KLK15: variants seen among roughly 807,000 people sequenced by gnomAD.
The protein encoded by KLK15 is kallikrein related peptidase 15.
A neutral mutation model predicts 21.1 loss-of-function variants in KLK15; 19 were observed. That is an observed-to-expected ratio of 0.90 (90% CI 0.63 to 1.32). KLK15 has a LOEUF of 1.32. KLK15 is among the 40% of genes most tolerant of loss of function. KLK15 has a pLI of 0.00. For synonymous variants in KLK15, 141 were observed against 141.5 expected (o/e 1.00, Z 0.03); for missense variants, 345 against 348.6 (o/e 0.99, Z 0.08).
At position 50,829,238 on chromosome 19, in the gene KLK15, A is replaced by G. The variant is rs186872857; in HGVS notation, c.44-1423T>C. Among the ~76,000 whole-genome samples the G allele has an allele frequency of 2.6e-5, 4 of 151,716 alleles. No homozygotes were observed. The East Asian group carries it at 7.7e-4, about 29-fold the overall frequency. The stretch of plus-strand genomic sequence containing the variant: ...CTAGCTGTGAAACTTTGAGTAAGTT[A>G]TTCGACCTGTCTGTGCCTCTGTTTC... On this transcript the variant is annotated intron_variant, in intron 1 of 4. Coordinates refer to ENST00000598239, the Ensembl canonical transcript of KLK15.
chr19:50,832,322 C>CTTTTTTTTTTTT (rs773163899), upstream of KLK15, among the ~76,000 whole-genome samples: 20 of 109,436 alleles, frequency 1.8e-4, no homozygotes, highest in African/African-American at 6.1e-4. Context: ...CTTTTTTTTT[C>CTTTTTTTTTTTT]TTTTTTTTTT....
exon 2 of KLK15, chr19:50,827,785 C>T: frequency 6.2e-7 from 1 of 1,611,410 alleles, no homozygotes; most frequent in Non-Finnish European, 8.5e-7. Flanking sequence ...ACACTCGTCA[C>T]CTTCCAGCAA....
chr19:50,826,946 C>T (rs752563426), exon 3 of KLK15: 3 of 1,601,178 alleles, frequency 1.9e-6, no homozygotes, highest in Non-Finnish European at 2.6e-6. Flanking sequence ...AGACACCACA[C>T]AGGCCTCCCC....
intron 2 of KLK15, 126 bp downstream of exon 3, chr19:50,827,536 T>G: frequency 1.0e-6 from 1 of 976,442 alleles, no homozygotes; most frequent in Non-Finnish European, 1.5e-6. Context: ...CCCAGGGGCT[T>G]GACATCCGGC....
chr19:50,829,237 T>C (rs1173722251), intron 1 of KLK15, among the ~76,000 whole-genome samples: 1 of 151,610 alleles, frequency 6.6e-6, no homozygotes, highest in East Asian at 1.9e-4. Context: ...TTGAGTAAGT[T>C]ATTCGACCTG....
intron 1 of KLK15, among the ~76,000 whole-genome samples, chr19:50,830,948 C>T (rs931458810): frequency 2.6e-5 from 4 of 152,186 alleles, no homozygotes; most frequent in African/African-American, 9.7e-5. Flanking sequence ...CACATTTAAT[C>T]CCCTCAAAGA....
At chr19:50,825,858 C>A in exon 5 of KLK15, 1 of 1,614,048 alleles carries the variant, frequency 6.2e-7, no homozygotes, top group Non-Finnish European at 8.5e-7. Context: ...GTATAGACAC[C>A]AGGCTTGGTG....
chr19:50,829,356 C>G (rs893892896), intron 1 of KLK15, among the ~76,000 whole-genome samples: 1 of 151,578 alleles, frequency 6.6e-6, no homozygotes, highest in African/African-American at 2.4e-5. Context: ...GATACCTAGC[C>G]CTGGTAGCTA....
At chr19:50,826,325 T>C (rs760671643) in intron 4 of KLK15, 10 of 455,024 alleles carry the variant, frequency 2.2e-5, no homozygotes, top group Non-Finnish European at 2.3e-5. Flanking sequence ...ATCTACCTCA[T>C]CCCAATTCAA....
At chr19:50,827,251 C>CGTTAATG in intron 2 of KLK15, 90 bp from the exon 4 acceptor site, 1 of 1,216,592 alleles carries the variant, frequency 8.2e-7, no homozygotes, top group Non-Finnish European at 1.1e-6. Flanking sequence ...GTGGGCAACC[C>CGTTAATG]GAGGTCTCCC....
At chr19:50,832,053 C>T (rs1252111416), upstream of KLK15, among the ~76,000 whole-genome samples, 3 of 151,964 alleles carry the variant, frequency 2.0e-5, no homozygotes, top group Non-Finnish European at 4.4e-5. Context: ...AATCTCTTGA[C>T]TTCATGATCC....
At chr19:50,827,641 C>A (rs762661618) in intron 2 of KLK15, 21 bp downstream of exon 3, 4 of 1,608,154 alleles carry the variant, frequency 2.5e-6, no homozygotes, top group Non-Finnish European at 3.4e-6. Flanking sequence ...CCCTCAGGAC[C>A]CTGAGCCCCT....
rs1041479108 is a variant in KLK15 at position 50,828,094 on chromosome 19, C to T, written c.44-279G>A. On this transcript the variant is annotated intron_variant, in intron 1 of 4. Transcript: ENST00000598239. ...CAGCCTCCCGAGTAGCTGAGGTGCC[C>T]GCCACCACACCTGGCTAATTTTTGT... Among the ~76,000 whole-genome samples, 3 of 151,258 alleles carry T rather than the reference C, an allele frequency of 2.0e-5. No homozygotes were observed. The Admixed American group carries it at 2.0e-4, about 10-fold the overall frequency.
rs370252083 is a variant in KLK15 at position 50,825,858 on chromosome 19, C to T, written c.709G>A (p.Gly237Ser). 7 of 1,614,046 alleles carry T rather than the reference C, an allele frequency of 4.3e-6. No individual in the cohort carries two copies. The African/African-American group carries it at 9.3e-5, about 22-fold the overall frequency. ...TAGTGGCAGACTTTGGTATAGACAC[C>T]AGGCTTGGTGGTGTTGTCACAAGGG... Residue 237 changes from glycine to serine, a missense_variant, in exon 5 of 5, where the codon GGT becomes AGT. Gly to Ser is a moderately conservative substitution (Grantham distance 56). Transcript: ENST00000598239.
chr19:50,831,790 T>G (rs545326027), upstream of KLK15, among the ~76,000 whole-genome samples: 1 of 149,344 alleles, frequency 6.7e-6, no homozygotes, highest in Non-Finnish European at 1.5e-5. Flanking sequence ...TCTCTCTCCA[T>G]CATCACCAAG....
At chr19:50,825,614 G>T, downstream of KLK15, 1 of 524,478 alleles carries the variant, frequency 1.9e-6, no homozygotes, top group Non-Finnish European at 3.3e-6. Context: ...TTGTTATCTT[G>T]GCATTAAACA....
chr19:50,831,387 A>G (rs2089982550), intron 1 of KLK15, 63 bp downstream of exon 2: 10 of 1,244,648 alleles, frequency 8.0e-6, no homozygotes, highest in Non-Finnish European at 9.5e-6. Context: ...CACTGGGCCC[A>G]GACATGCTTG....
intron 2 of KLK15, 150 bp from the exon 4 acceptor site, chr19:50,827,311 G>T: frequency 1.3e-6 from 1 of 780,210 alleles, no homozygotes; most frequent in Non-Finnish European, 2.0e-6. Context: ...AGACCCTGAA[G>T]CCAATGGTTC....
intron 1 of KLK15, 92 bp from the exon 3 acceptor site, chr19:50,827,907 A>G (rs2089912800): frequency 8.1e-6 from 10 of 1,229,416 alleles, no homozygotes; most frequent in Admixed American, 6.0e-5. Flanking sequence ...CTATATGCCT[A>G]TGCCTTTCCC....
Sources: gnomAD v4.1 joint callset for allele counts (sites outside exome capture counted in the v4.1 genomes callset) on GRCh38, gnomAD v4.1.1 for gene constraint, MANE v1.5 for transcripts, NCBI Gene and HGNC (gene_info 2026-07-23, HGNC 2026-07-21) for gene names.